TBC1D22A: variants seen among roughly 807,000 people sequenced by gnomAD.
TBC1D22A encodes the protein TBC1 domain family member 22A, also known as putative GTPase activator.
A neutral mutation model predicts 60.2 loss-of-function variants in TBC1D22A; 38 were observed. The observed-to-expected ratio is 0.63, with a 90% CI of 0.49 to 0.83. TBC1D22A has a LOEUF of 0.83. TBC1D22A is among the 40% of genes least tolerant of loss of function. TBC1D22A has a pLI of 0.00. For synonymous variants in TBC1D22A, 302 were observed against 281.7 expected (o/e 1.07, Z -0.72); for missense variants, 628 against 701.0 (o/e 0.90, Z 1.18).
Position 47,037,095 on chromosome 22 carries a change from A to G in TBC1D22A, c.1226A>G (p.Gln409Arg), listed in dbSNP as rs771297442. Residue 409 changes from glutamine to arginine, a missense_variant, in exon 11 of 13, where the codon CAA (glutamine) becomes CGA (arginine). Transcript: ENST00000337137. ...IDEQVHRHLD[Q>R]HEVRYLQFAF... is the part of the protein sequence containing the mutation. ...GAGCAAGTGCACCGGCACCTGGACC[A>G]ACACGAAGTGAGATACCTGCAGTTT... is the stretch of plus-strand genomic sequence containing the variant. The G allele has an allele frequency of 6.2e-7, 1 of 1,613,882 alleles. No homozygotes were observed. The highest frequency in any genetic ancestry group is 8.5e-7 in the Non-Finnish European group (1 of 1,179,850).
intron 12 of TBC1D22A, among the ~76,000 whole-genome samples, chr22:47,169,238 A>G (rs778709528): frequency 1.2e-3 from 188 of 151,194 alleles, no homozygotes; most frequent in African/African-American, 4.5e-3. Context: ...GGTAGGGCCA[A>G]CCCCCACCCC....
rs190883337 is a variant in TBC1D22A at position 47,087,804 on chromosome 22, G to C, written c.1330-23704G>C. ...ATTAAGGTTCAATATAGCCAGGCGT[G>C]GTGGCTCATGCCTGTAATCCCAGCA... On this transcript the variant is annotated intron_variant, in intron 11 of 12. Transcript: ENST00000337137. Among the ~76,000 whole-genome samples the C allele has an allele frequency of 1.2e-4, 19 of 152,264 alleles. No individual in the cohort carries two copies. The East Asian group carries it at 1.9e-3, about 15-fold the overall frequency.
intron 11 of TBC1D22A, among the ~76,000 whole-genome samples, chr22:47,081,319 C>T (rs958913734): frequency 2.6e-5 from 4 of 152,138 alleles, no homozygotes; most frequent in African/African-American, 9.7e-5. Flanking sequence ...AGAAACGCTC[C>T]ATAAACTAGG....
At chr22:47,084,912 A>AT (rs2064616452) in intron 11 of TBC1D22A, among the ~76,000 whole-genome samples, 1 of 152,216 alleles carries the variant, frequency 6.6e-6, no homozygotes, top group Non-Finnish European at 1.5e-5. Context: ...CCAGAGGTTC[A>AT]TTTTCTCCTT....
Position 46,781,112 on chromosome 22 carries a change from T to G in TBC1D22A, c.63-11408T>G, listed in dbSNP as rs184367871. On this transcript the variant is annotated intron_variant, in intron 1 of 12. Coordinates refer to ENST00000337137, the MANE Select transcript of TBC1D22A (RefSeq NM_014346.5). ...TTCTTATGCCGTGACCCCTCTGCTC[T>G]TCTCCCTGGAGGTGCCCTCCCAATT... Among the ~76,000 whole-genome samples the G allele has an allele frequency of 9.3e-4, 140 of 150,890 alleles. 1 individual carries two copies. The East Asian group carries it at 0.025, about 27-fold the overall frequency.
At chr22:46,770,464 G>C (rs538977020) in intron 1 of TBC1D22A, among the ~76,000 whole-genome samples, 8 of 152,352 alleles carry the variant, frequency 5.3e-5, no homozygotes, top group Non-Finnish European at 1.0e-4. Flanking sequence ...GTGGTAATTT[G>C]TTACAGCAGC....
At chr22:46,921,596 G>T (rs2070761355) in intron 8 of TBC1D22A, among the ~76,000 whole-genome samples, 2 of 152,172 alleles carry the variant, frequency 1.3e-5, no homozygotes, top group South Asian at 4.1e-4. Context: ...ATTCCTTTGG[G>T]TGTATACCCA....
intron 4 of TBC1D22A, among the ~76,000 whole-genome samples, chr22:46,816,053 A>G (rs1435235039): frequency 6.6e-6 from 1 of 152,150 alleles, no homozygotes; most frequent in Non-Finnish European, 1.5e-5. Context: ...ACAGTTCTTT[A>G]ACAATCACAC....
chr22:46,898,800 G>A (rs1263285361), intron 7 of TBC1D22A, among the ~76,000 whole-genome samples: 3 of 152,196 alleles, frequency 2.0e-5, no homozygotes, highest in East Asian at 1.9e-4. Context: ...TAGCTTCATC[G>A]TGTAGCCATC....
intron 8 of TBC1D22A, among the ~76,000 whole-genome samples, chr22:46,954,627 G>C (rs1209543842): frequency 6.6e-6 from 1 of 152,154 alleles, no homozygotes; most frequent in African/African-American, 2.4e-5. Context: ...CGAGCTGAGT[G>C]ATGTGGAGGA....
chr22:46,850,516 A>G (rs564798210), intron 4 of TBC1D22A, among the ~76,000 whole-genome samples: 35 of 152,334 alleles, frequency 2.3e-4, no homozygotes, highest in African/African-American at 8.4e-4. Flanking sequence ...GAAAAAAAAG[A>G]CAGGGATTAA....
intron 12 of TBC1D22A, among the ~76,000 whole-genome samples, chr22:47,159,626 C>T (rs111066982): frequency 0.011 from 1,660 of 152,082 alleles, 27 homozygotes; most frequent in African/African-American, 0.038. Context: ...TATACACACA[C>T]ACCACACATG....
intron 9 of TBC1D22A, among the ~76,000 whole-genome samples, chr22:46,989,995 G>A (rs6009085): frequency 0.086 from 13,134 of 152,068 alleles, 1,781 homozygotes; most frequent in African/African-American, 0.29. Flanking sequence ...GTAGAGATGG[G>A]GTTTTGCCAT....
intron 8 of TBC1D22A, among the ~76,000 whole-genome samples, chr22:46,932,658 C>T (rs931899817): frequency 6.6e-6 from 1 of 150,522 alleles, no homozygotes; most frequent in Non-Finnish European, 1.5e-5. Flanking sequence ...ATGACTCCTT[C>T]TCACTGGCAG....
chr22:47,001,384 C>T (rs2061406332), intron 10 of TBC1D22A, among the ~76,000 whole-genome samples: 1 of 136,570 alleles, frequency 7.3e-6, no homozygotes, highest in African/African-American at 2.8e-5. Context: ...GCGGAGGTTG[C>T]AGTGAGCCGA....
At chr22:46,931,845 A>G (rs547863918) in intron 8 of TBC1D22A, among the ~76,000 whole-genome samples, 1 of 152,314 alleles carries the variant, frequency 6.6e-6, no homozygotes, top group South Asian at 2.1e-4. Context: ...CTGCTGTTGC[A>G]TGTTATGCAT....
intron 8 of TBC1D22A, among the ~76,000 whole-genome samples, chr22:46,944,449 A>C (rs954768326): frequency 1.3e-5 from 2 of 152,084 alleles, no homozygotes; most frequent in Non-Finnish European, 2.9e-5. Context: ...CCCAGGCTGG[A>C]GTGCAGTGGC....
chr22:46,798,142 A>C (rs2146938496), intron 4 of TBC1D22A, among the ~76,000 whole-genome samples: 2 of 152,344 alleles, frequency 1.3e-5, no homozygotes, highest in Non-Finnish European at 2.9e-5. Context: ...CTCACAAAGC[A>C]CTGGGCTTAA....
chr22:47,167,831 C>T (rs890889853), intron 12 of TBC1D22A, among the ~76,000 whole-genome samples: 1 of 152,166 alleles, frequency 6.6e-6, no homozygotes, highest in Non-Finnish European at 1.5e-5. Flanking sequence ...GATGGAAGTT[C>T]TCACTCCGGT....
Sources: gnomAD v4.1 joint callset for allele counts (sites outside exome capture counted in the v4.1 genomes callset) on GRCh38, gnomAD v4.1.1 for gene constraint, MANE v1.5 for transcripts, NCBI Gene and HGNC (gene_info 2026-07-23, HGNC 2026-07-21) for gene names.